MEGF10: variants seen among roughly 807,000 people sequenced by gnomAD.
The protein encoded by MEGF10 is multiple epidermal growth factor-like domains protein 10.
MEGF10 carries 86 observed loss-of-function variants against 147.5 expected under a neutral mutation model. The observed-to-expected ratio is 0.58, with a 90% CI of 0.49 to 0.70. MEGF10 has a LOEUF of 0.70. Ranked by LOEUF, MEGF10 falls within the 30% of genes least tolerant of loss-of-function variation. The pLI is 0.00. For synonymous variants in MEGF10, 478 were observed against 525.5 expected (o/e 0.91, Z 1.24); for missense variants, 1,329 against 1,487.3 (o/e 0.89, Z 1.75).
At position 127,457,358 on chromosome 5, in the gene MEGF10, G is replaced by C. The variant is rs770088921; in HGVS notation, c.*40G>C. The C allele has an allele frequency of 1.8e-5, 28 of 1,586,666 alleles. No homozygotes were observed. The highest frequency in any genetic ancestry group is 2.1e-5 in the Non-Finnish European group (24 of 1,169,124). Reference sequence around the variant, plus strand: ...TTGGTAGCCACTGGAACCCTTTCCAGAACTGCTGTTTGGTTCTTCTCCATC... The same window carrying C: ...TTGGTAGCCACTGGAACCCTTTCCACAACTGCTGTTTGGTTCTTCTCCATC... On this transcript the variant is annotated 3_prime_UTR_variant, in exon 25 of 25. Transcript: ENST00000503335.
At position 127,419,351 on chromosome 5, in the gene MEGF10, G is replaced by T. The variant is rs954117700; in HGVS notation, c.1426+111G>T. ...CTAGCTCCAGTTGCACCAAAATTCA[G>T]TGTCTGACCTCCGCAAGCCCCTCAT... On this transcript the variant is annotated intron_variant, in intron 11 of 24. Coordinates refer to ENST00000503335, the MANE Select transcript of MEGF10 (RefSeq NM_001256545.2). 9 of 1,315,180 alleles carry T rather than the reference G, an allele frequency of 6.8e-6. No individual in the cohort carries two copies. The East Asian group carries it at 1.9e-4, about 28-fold the overall frequency. The allele number at this position is 1,315,180 out of a possible 1,614,324, so 81.5% of individuals were successfully genotyped here. A position where few individuals can be genotyped will look rare whatever the true frequency, so the allele number is the denominator to read the frequency against.
rs764438394 is a variant in MEGF10, at chr5:127,420,204, C to T, written c.1587C>T (p.Cys529=). 2.5e-6 allele frequency: 4 copies of T among 1,613,882 alleles called. No individual in the cohort carries two copies. In the East Asian group the frequency reaches 8.9e-5, roughly 36 times the overall value. Residue 529 remains cysteine, a synonymous_variant, in exon 12 of 25, where the codon TGC becomes TGT. Coordinates refer to ENST00000503335, the MANE Select transcript of MEGF10 (RefSeq NM_001256545.2). ...GWRGEKCELP[C]QDGTYGLNCA... ...GCGGGGAGAAATGCGAACTTCCCTG[C>T]CAGGTATGCACAAATCAGCGCCCTG... is the stretch of plus-strand genomic sequence containing the variant.
intron 2 of MEGF10, among the ~76,000 whole-genome samples, chr5:127,335,744 A>G (rs1485884256): frequency 6.6e-6 from 1 of 152,078 alleles, no homozygotes; most frequent in Admixed American, 6.6e-5. Flanking sequence ...GAATTTAGAA[A>G]TACCCTCAAC....
the MEGF10 span, among the ~76,000 whole-genome samples, chr5:127,233,814 G>C: frequency 6.6e-6 from 1 of 152,114 alleles, no homozygotes; most frequent in East Asian, 1.9e-4. Flanking sequence ...CCTTCACTTC[G>C]TTTAATCAAG....
At chr5:127,252,602 G>A in the MEGF10 span, among the ~76,000 whole-genome samples, 1 of 151,788 alleles carries the variant, frequency 6.6e-6, no homozygotes, top group Admixed American at 6.6e-5. Flanking sequence ...AATATGTGAG[G>A]GTGTAGGAAA....
chr5:127,342,357 C>A (rs552197692), intron 4 of MEGF10, among the ~76,000 whole-genome samples: 8 of 152,266 alleles, frequency 5.3e-5, no homozygotes, highest in Admixed American at 1.3e-4. Flanking sequence ...CAAGAGAGTA[C>A]TTCTGTCTCC....
intron 4 of MEGF10, among the ~76,000 whole-genome samples, chr5:127,352,216 C>T (rs1428991463): frequency 6.6e-6 from 1 of 152,158 alleles, no homozygotes; most frequent in Non-Finnish European, 1.5e-5. Context: ...GTTGTAACAA[C>T]TTACATGACC....
At chr5:127,339,285 A>G (rs1476570505) in intron 3 of MEGF10, 64 bp downstream of exon 3, 1 of 1,114,524 alleles carries the variant, frequency 9.0e-7, no homozygotes, top group Non-Finnish European at 1.4e-6. Flanking sequence ...ATACAGAGAT[A>G]TTAATGACAG....
the MEGF10 span, among the ~76,000 whole-genome samples, chr5:127,277,521 C>G: frequency 6.6e-6 from 1 of 152,188 alleles, no homozygotes; most frequent in Non-Finnish European, 1.5e-5. Context: ...AGACTTGAAA[C>G]AGAGGCACTG....
At chr5:127,302,695 C>T (rs148651121) in intron 1 of MEGF10, among the ~76,000 whole-genome samples, 1 of 152,282 alleles carries the variant, frequency 6.6e-6, no homozygotes, top group Non-Finnish European at 1.5e-5. Context: ...CCCCTGGTCA[C>T]GTGTGTGCTA....
the MEGF10 span, among the ~76,000 whole-genome samples, chr5:127,268,874 C>T: frequency 6.6e-6 from 1 of 152,326 alleles, no homozygotes; most frequent in South Asian, 2.1e-4. Context: ...CAGCCAGGTA[C>T]CCCTTTGAGA....
At chr5:127,296,134 G>A (rs926609628) in intron 1 of MEGF10, among the ~76,000 whole-genome samples, 1 of 152,156 alleles carries the variant, frequency 6.6e-6, no homozygotes, top group Admixed American at 6.5e-5. Flanking sequence ...AGAGCATTTA[G>A]TAAAAGGATT....
At position 127,457,172 on chromosome 5, in the gene MEGF10, C is replaced by T. The variant is rs758348725; in HGVS notation, c.3277C>T (p.Arg1093Cys). 28 of 1,613,780 alleles carry T rather than the reference C, an allele frequency of 1.7e-5. No homozygotes were observed. Among genetic ancestry groups the T allele is most frequent in the African/African-American group, 5.3e-5 (4 of 74,898 alleles). Residue 1093 changes from arginine to cysteine, a missense_variant, in exon 25 of 25, where the codon CGT (arginine) becomes TGT (cysteine). This residue lies in a region of MEGF10 where 343 missense variants were observed against 377.9 expected (regional missense o/e 0.91). Coordinates refer to ENST00000503335, the MANE Select transcript of MEGF10 (RefSeq NM_001256545.2). The part of the protein sequence containing the change: ...VVQGVFSNNG[R>C]LSQDPYDLPK... ...CCAAGGAGTATTCAGCAATAATGGGCGTCTCTCCCAGGATCCATATGACCT... is the reference window on the plus strand; with the variant it reads ...CCAAGGAGTATTCAGCAATAATGGGTGTCTCTCCCAGGATCCATATGACCT...
At chr5:127,288,655 C>G (rs1290747079), upstream of MEGF10, among the ~76,000 whole-genome samples, 1 of 152,100 alleles carries the variant, frequency 6.6e-6, no homozygotes, top group African/African-American at 2.4e-5. Context: ...AAAATGTTTT[C>G]CACTTTGGAA....
the MEGF10 span, among the ~76,000 whole-genome samples, chr5:127,254,124 G>A: frequency 6.6e-6 from 1 of 151,956 alleles, no homozygotes; most frequent in Admixed American, 6.6e-5. Context: ...TTTCAAATAA[G>A]CAGATTTTTC....
At chr5:127,430,980 G>A (rs769428191) in intron 13 of MEGF10, among the ~76,000 whole-genome samples, 1 of 152,184 alleles carries the variant, frequency 6.6e-6, no homozygotes, top group African/African-American at 2.4e-5. Flanking sequence ...GCTTGGGTCT[G>A]TTGAAAGATG....
chr5:127,390,970 C>G (rs185886803), intron 5 of MEGF10, among the ~76,000 whole-genome samples: 63 of 152,214 alleles, frequency 4.1e-4, no homozygotes, highest in Admixed American at 1.1e-3. Context: ...GAGAGTTAAT[C>G]TATCACGATG....
At chr5:127,405,348 G>A (rs144253030) in intron 8 of MEGF10, among the ~76,000 whole-genome samples, 3 of 152,048 alleles carry the variant, frequency 2.0e-5, no homozygotes, top group African/African-American at 7.2e-5. Context: ...CTTAGACCCT[G>A]TACTTTCTTA....
the MEGF10 span, among the ~76,000 whole-genome samples, chr5:127,230,118 C>G: frequency 2.0e-5 from 3 of 151,968 alleles, no homozygotes; most frequent in Admixed American, 2.0e-4. Flanking sequence ...CATGTCGTTC[C>G]CCAAGTGTGA....
Sources: allele counts gnomAD v4.1 joint callset (sites outside exome capture counted in the v4.1 genomes callset), GRCh38; gene constraint gnomAD v4.1.1; regional missense constraint gnomAD v4.1.1; transcripts MANE v1.5; gene names NCBI Gene and HGNC (gene_info 2026-07-23, HGNC 2026-07-21).